The following SLC24A2 variants were observed in gnomAD, a reference collection of about 807,000 sequenced individuals.
SLC24A2 encodes solute carrier family 24 member 2, also known as sodium/potassium/calcium exchanger 2.
Under a neutral mutation model 62.0 loss-of-function variants are expected in SLC24A2, and 36 were observed. That is an observed-to-expected ratio of 0.58 (90% CI 0.44 to 0.77). The LOEUF (loss-of-function observed/expected upper bound fraction) is 0.77. Ranked by LOEUF, SLC24A2 falls within the 30% of genes least tolerant of loss-of-function variation. The pLI, the probability that SLC24A2 is intolerant of heterozygous loss-of-function variation, is 0.00. For missense variants in SLC24A2, 846 were observed against 817.9 expected (o/e 1.03, Z -0.42); for synonymous variants, 358 against 294.0 (o/e 1.22, Z -2.23).
At chr9:20,218,451 T>TGC in the SLC24A2 span, among the ~76,000 whole-genome samples, 16 of 152,220 alleles carry the variant, frequency 1.1e-4, no homozygotes, top group African/African-American at 3.6e-4. Context: ...CACGTGTGTC[T>TGC]GCTTGTGTCG....
chr9:20,287,384 G>T, the SLC24A2 span, among the ~76,000 whole-genome samples: 13 of 152,286 alleles, frequency 8.5e-5, no homozygotes, highest in African/African-American at 3.1e-4. Context: ...ATGGCCAGAG[G>T]TGTGTCTCTC....
the SLC24A2 span, among the ~76,000 whole-genome samples, chr9:20,200,109 A>G: frequency 6.6e-6 from 1 of 152,118 alleles, no homozygotes; most frequent in East Asian, 1.9e-4. Context: ...AACCATTTAT[A>G]CTAGATACCG....
the SLC24A2 span, among the ~76,000 whole-genome samples, chr9:19,890,826 T>G: frequency 1.8e-4 from 27 of 152,300 alleles, no homozygotes; most frequent in Non-Finnish European, 3.7e-4. Context: ...GTATCTGTAT[T>G]CTGACAAATC....
At chr9:19,966,706 G>C in the SLC24A2 span, among the ~76,000 whole-genome samples, 1 of 152,290 alleles carries the variant, frequency 6.6e-6, no homozygotes, top group South Asian at 2.1e-4. Flanking sequence ...ATACAGGAAA[G>C]TGTTGGACTA....
chr9:20,091,182 A>G, the SLC24A2 span, among the ~76,000 whole-genome samples: 3 of 152,122 alleles, frequency 2.0e-5, no homozygotes, highest in Admixed American at 1.3e-4. Context: ...AGAATGAACA[A>G]AACCTCCGAG....
the SLC24A2 span, among the ~76,000 whole-genome samples, chr9:19,798,880 A>AAAAATGTG: frequency 6.6e-6 from 1 of 152,166 alleles, no homozygotes; most frequent in Non-Finnish European, 1.5e-5. Context: ...TTTCTGGTTA[A>AAAAATGTG]AAAATGTGAC....
the SLC24A2 span, among the ~76,000 whole-genome samples, chr9:19,964,609 C>T: frequency 2.0e-5 from 3 of 152,286 alleles, no homozygotes; most frequent in African/African-American, 7.2e-5. Flanking sequence ...CATATGTCCA[C>T]TTGGTTGGAC....
At chr9:20,204,825 G>A in the SLC24A2 span, among the ~76,000 whole-genome samples, 59,561 of 149,262 alleles carry the variant, frequency 0.4, 13,270 homozygotes, top group East Asian at 0.81. Context: ...CTCACTGCAA[G>A]CTCCGTCTCC....
the SLC24A2 span, among the ~76,000 whole-genome samples, chr9:20,199,302 G>A: frequency 6.6e-6 from 1 of 152,202 alleles, no homozygotes; most frequent in Admixed American, 6.5e-5. Flanking sequence ...AATTAGAGAG[G>A]TGTATTAGTC....
the SLC24A2 span, among the ~76,000 whole-genome samples, chr9:20,042,320 G>C: frequency 6.6e-5 from 10 of 152,350 alleles, no homozygotes; most frequent in African/African-American, 2.2e-4. Context: ...TCTGAACTGA[G>C]TGTACACCCC....
intron 2 of SLC24A2, among the ~76,000 whole-genome samples, chr9:19,682,103 A>C (rs1230244668): frequency 6.6e-6 from 1 of 152,142 alleles, no homozygotes; most frequent in East Asian, 1.9e-4. Flanking sequence ...TGGGACCTAG[A>C]GAGCCTCTGA....
At chr9:20,028,963 A>G in the SLC24A2 span, among the ~76,000 whole-genome samples, 2 of 152,124 alleles carry the variant, frequency 1.3e-5, no homozygotes, top group Non-Finnish European at 2.9e-5. Flanking sequence ...TGTTTCCTCT[A>G]ACTAATCACC....
At chr9:20,185,960 T>C in the SLC24A2 span, among the ~76,000 whole-genome samples, 440 of 152,292 alleles carry the variant, frequency 2.9e-3, 3 homozygotes, top group African/African-American at 0.01. Context: ...TTTGCTTTGC[T>C]TTTGTGATTG....
chr9:20,124,741 T>C, the SLC24A2 span, among the ~76,000 whole-genome samples: 1 of 152,212 alleles, frequency 6.6e-6, no homozygotes, highest in Non-Finnish European at 1.5e-5. Context: ...TTCCCTCTCT[T>C]AGGTCTGTGG....
chr9:19,965,997 C>G, the SLC24A2 span, among the ~76,000 whole-genome samples: 1 of 152,168 alleles, frequency 6.6e-6, no homozygotes, highest in Non-Finnish European at 1.5e-5. Flanking sequence ...ATTATATTCC[C>G]TGTTCTCTTT....
chr9:19,819,927 C>T, the SLC24A2 span, among the ~76,000 whole-genome samples: 1 of 150,186 alleles, frequency 6.7e-6, no homozygotes, highest in Non-Finnish European at 1.5e-5. Flanking sequence ...CAGCACAATT[C>T]ACAATTGTAA....
the SLC24A2 span, among the ~76,000 whole-genome samples, chr9:20,017,267 C>G: frequency 6.6e-6 from 1 of 152,148 alleles, no homozygotes; most frequent in African/African-American, 2.4e-5. Context: ...AAGTGATCCA[C>G]CTGCCTCAGC....
the SLC24A2 span, among the ~76,000 whole-genome samples, chr9:20,090,372 G>A: frequency 2.6e-5 from 4 of 152,148 alleles, no homozygotes; most frequent in African/African-American, 9.7e-5. Flanking sequence ...GAGCTGTCGT[G>A]GGTAGCCTGG....
the SLC24A2 span, among the ~76,000 whole-genome samples, chr9:19,909,035 A>G: frequency 6.6e-6 from 1 of 152,232 alleles, no homozygotes; most frequent in Non-Finnish European, 1.5e-5. Context: ...ATGCACACGT[A>G]TGTTTATTGT....
Sources: allele counts gnomAD v4.1 joint callset (sites outside exome capture counted in the v4.1 genomes callset), GRCh38; gene constraint gnomAD v4.1.1; transcripts MANE v1.5; gene names NCBI Gene and HGNC (gene_info 2026-07-23, HGNC 2026-07-21).